The following TENM2 variants were observed in gnomAD, a reference collection of about 807,000 sequenced individuals.
TENM2 encodes the protein teneurin-2.
TENM2 carries 52 observed loss-of-function variants against 245.2 expected under a neutral mutation model. That is an observed-to-expected ratio of 0.21 (90% CI 0.17 to 0.27). The LOEUF (loss-of-function observed/expected upper bound fraction) is 0.27, where lower values mean the gene tolerates loss of function less well. TENM2 is among the 10% of genes least tolerant of loss of function. The probability of loss-of-function intolerance (pLI) is 1.00; values close to 1 mark genes in which losing one functional copy is unlikely to be tolerated. For synonymous variants in TENM2, 1,363 were observed against 1,438.9 expected (o/e 0.95, Z 1.19); for missense variants, 3,046 against 3,666.8 (o/e 0.83, Z 4.37).
At chr5:167,891,604 C>G (rs1055245486) in intron 3 of TENM2, among the ~76,000 whole-genome samples, 1 of 152,112 alleles carries the variant, frequency 6.6e-6, no homozygotes. Context: ...AGAATTCAAA[C>G]TCAAGTTTTT....
rs1763380439 is a variant in TENM2, at chr5:168,218,370, A to G, written c.4479A>G (p.Thr1493=). The G allele has an allele frequency of 6.2e-7, 1 of 1,614,078 alleles. No individual in the cohort carries two copies. The highest frequency in any genetic ancestry group is 8.5e-7 in the Non-Finnish European group (1 of 1,179,910). ...CTGGGGTCCTCTACATCACTGAGAC[A>G]GATGAGAAGAAGATTAACCGTCTAC... Residue 1493 remains threonine, a synonymous_variant, in exon 23 of 29, where the codon ACA becomes ACG. Coordinates refer to ENST00000518659, the Ensembl canonical transcript of TENM2. The surrounding 1 kb of genome is among the most constrained non-coding windows in gnomAD (Gnocchi z 5.2).
At chr5:167,001,676 T>C in the TENM2 span, among the ~76,000 whole-genome samples, 1 of 152,190 alleles carries the variant, frequency 6.6e-6, no homozygotes, top group Non-Finnish European at 1.5e-5. Flanking sequence ...CCTGTCACAT[T>C]TTATTGCAAA....
At chr5:167,006,722 A>G in the TENM2 span, among the ~76,000 whole-genome samples, 1 of 150,898 alleles carries the variant, frequency 6.6e-6, no homozygotes, top group African/African-American at 2.4e-5. Flanking sequence ...GTTGGTGTGC[A>G]ATGGAGTGAT....
intron 2 of TENM2, among the ~76,000 whole-genome samples, chr5:167,698,616 A>C (rs966229989): frequency 4.0e-5 from 6 of 151,628 alleles, no homozygotes; most frequent in African/African-American, 1.5e-4. Context: ...CATAGTGGGA[A>C]GAACAGAGAA....
intron 5 of TENM2, among the ~76,000 whole-genome samples, chr5:168,020,883 G>A (rs1384864170): frequency 2.0e-5 from 3 of 152,146 alleles, no homozygotes; most frequent in African/African-American, 4.8e-5. Flanking sequence ...TGGTTCACCC[G>A]TTCATCTGCT....
intron 2 of TENM2, among the ~76,000 whole-genome samples, chr5:167,606,215 T>A (rs1777029656): frequency 6.6e-6 from 1 of 152,170 alleles, no homozygotes; most frequent in Non-Finnish European, 1.5e-5. Flanking sequence ...AGTGCACTTG[T>A]CAGCTCCAGC....
chr5:168,259,476 T>C (rs556921320), intron 27 of TENM2, among the ~76,000 whole-genome samples: 7 of 152,254 alleles, frequency 4.6e-5, no homozygotes, highest in African/African-American at 1.7e-4. Context: ...TAATCCCAGC[T>C]ACTTGGGAGG....
At chr5:167,071,495 G>A in the TENM2 span, among the ~76,000 whole-genome samples, 2 of 151,994 alleles carry the variant, frequency 1.3e-5, no homozygotes, top group Non-Finnish European at 2.9e-5. Flanking sequence ...CAAAAACAAA[G>A]CAAGTTTACA....
the TENM2 span, among the ~76,000 whole-genome samples, chr5:167,031,584 G>A: frequency 6.6e-6 from 1 of 152,022 alleles, no homozygotes; most frequent in Non-Finnish European, 1.5e-5. Context: ...TTTTTTTTGA[G>A]ATGGAGTTTT....
intron 2 of TENM2, among the ~76,000 whole-genome samples, chr5:167,786,007 A>G (rs1186376005): frequency 6.6e-6 from 1 of 152,214 alleles, no homozygotes; most frequent in African/African-American, 2.4e-5. Flanking sequence ...CTGAATTAAT[A>G]CTACTCATCA....
chr5:167,763,500 T>C (rs1400156912), intron 2 of TENM2, among the ~76,000 whole-genome samples: 2 of 152,116 alleles, frequency 1.3e-5, no homozygotes, highest in Non-Finnish European at 2.9e-5. Flanking sequence ...TTATTAGTAG[T>C]GTAATGTTTC....
the TENM2 span, among the ~76,000 whole-genome samples, chr5:167,172,503 C>T: frequency 1.3e-5 from 2 of 152,166 alleles, no homozygotes; most frequent in African/African-American, 2.4e-5. Flanking sequence ...CTCCAAAGCC[C>T]TAGCTCTTGA....
chr5:167,337,245 A>C (rs1180116977), intron 1 of TENM2, among the ~76,000 whole-genome samples: 2 of 152,232 alleles, frequency 1.3e-5, no homozygotes, highest in African/African-American at 4.8e-5. Context: ...GGACAAGAAA[A>C]ATGAAAGCAA....
At chr5:168,006,729 C>A (rs896235310) in intron 5 of TENM2, among the ~76,000 whole-genome samples, 1 of 152,154 alleles carries the variant, frequency 6.6e-6, no homozygotes, top group African/African-American at 2.4e-5. Context: ...CTTCTGCCTG[C>A]GGTCGTATTA....
intron 2 of TENM2, among the ~76,000 whole-genome samples, chr5:167,774,778 G>A (rs946915233): frequency 2.0e-5 from 3 of 152,058 alleles, no homozygotes; most frequent in South Asian, 2.1e-4. Flanking sequence ...TAGGAATTTC[G>A]AGGACTGTCA....
chr5:167,657,500 A>G (rs1754924306), intron 2 of TENM2, among the ~76,000 whole-genome samples: 1 of 152,184 alleles, frequency 6.6e-6, no homozygotes. Context: ...ATAAATGCCC[A>G]GTAGTGGGAT....
chr5:167,472,507 TA>T (rs1169563889), intron 2 of TENM2, among the ~76,000 whole-genome samples: 1 of 152,194 alleles, frequency 6.6e-6, no homozygotes, highest in African/African-American at 2.4e-5. Context: ...CCATCATGCC[TA>T]AAATTGGCTG....
intron 2 of TENM2, among the ~76,000 whole-genome samples, chr5:167,394,444 T>C (rs1032861043): frequency 1.3e-5 from 2 of 152,202 alleles, no homozygotes; most frequent in Admixed American, 1.3e-4. Context: ...TGTGGCTTTA[T>C]TTCTGGGCAT....
chr5:167,682,116 C>CCTGCCTG (rs773062042), intron 2 of TENM2, among the ~76,000 whole-genome samples: 7,461 of 103,370 alleles, frequency 0.072, 766 homozygotes, highest in African/African-American at 0.27. Flanking sequence ...CTCCCTCCCT[C>CCTGCCTG]CCTCCCTCCC....
Sources: gnomAD v4.1 joint callset for allele counts (sites outside exome capture counted in the v4.1 genomes callset) on GRCh38, gnomAD v4.1.1 for gene constraint, Gnocchi (gnomAD v3.1) non-coding constraint, MANE v1.5 for transcripts, NCBI Gene and HGNC (gene_info 2026-07-23, HGNC 2026-07-21) for gene names.